RP1: variants seen among roughly 807,000 people sequenced by gnomAD.
The protein encoded by RP1 is oxygen-regulated protein 1.
In RP1, 16 loss-of-function variants were observed where a neutral mutation model predicts 14.8. The ratio of observed to expected loss-of-function variants is 1.08; its 90% CI spans 0.73 to 1.65. The LOEUF (loss-of-function observed/expected upper bound fraction) is 1.65, where lower values mean the gene tolerates loss of function less well. Ranked by LOEUF, RP1 falls within the 40% of genes most tolerant of loss-of-function variation. RP1 has a pLI of 0.00. For synonymous variants in RP1, 876 were observed against 883.6 expected, an observed-to-expected ratio of 0.99 and a Z score of 0.15; for missense variants, 2,631 against 2,535.0, an observed-to-expected ratio of 1.04 and a Z score of -0.81.
At chr8:54,569,255 C>T (rs943715570) in intron 1 of RP1, among the ~76,000 whole-genome samples, 13 of 152,232 alleles carry the variant, frequency 8.5e-5, no homozygotes, top group Middle Eastern at 3.4e-3. Flanking sequence ...CCACTCTGAC[C>T]GAGAGGCCTT....
chr8:54,815,091 A>G (rs1811108602), intron 24 of RP1, among the ~76,000 whole-genome samples: 1 of 152,266 alleles, frequency 6.6e-6, no homozygotes, highest in Admixed American at 6.5e-5. Context: ...CTAATTTCAA[A>G]ATAGTTTTAT....
At chr8:54,611,648 A>G (rs1805594837), upstream of RP1, among the ~76,000 whole-genome samples, 1 of 151,862 alleles carries the variant, frequency 6.6e-6, no homozygotes, top group African/African-American at 2.4e-5. Flanking sequence ...CATCTTTAAG[A>G]TAGTTGTTTT....
chr8:54,563,746 A>G (rs1012406050), intron 1 of RP1, among the ~76,000 whole-genome samples: 4 of 152,008 alleles, frequency 2.6e-5, no homozygotes, highest in Non-Finnish European at 5.9e-5. Context: ...ATGAGATCTT[A>G]CTATGTAGCT....
downstream of RP1, among the ~76,000 whole-genome samples, chr8:54,774,935 T>C (rs1367136989): frequency 2.6e-5 from 4 of 152,334 alleles, no homozygotes; most frequent in African/African-American, 9.6e-5. Context: ...GCAAGTTTTC[T>C]AAACCTTGGG....
intron 25 of RP1, among the ~76,000 whole-genome samples, chr8:54,846,203 C>T (rs1811916785): frequency 6.6e-6 from 1 of 152,188 alleles, no homozygotes; most frequent in African/African-American, 2.4e-5. Context: ...ATATTATAAA[C>T]AATTAATTGG....
intron 1 of RP1, among the ~76,000 whole-genome samples, chr8:54,592,097 C>G (rs1258314299): frequency 6.6e-6 from 1 of 152,202 alleles, no homozygotes; most frequent in African/African-American, 2.4e-5. Context: ...TTTTTGCAAA[C>G]AACCCACCAC....
intron 25 of RP1, among the ~76,000 whole-genome samples, chr8:54,848,328 G>A (rs1019658413): frequency 6.6e-6 from 1 of 152,306 alleles, no homozygotes; most frequent in African/African-American, 2.4e-5. Flanking sequence ...CTCCTATCCT[G>A]TTCTTCCTGG....
chr8:54,787,783 T>C (rs1810358718), intron 24 of RP1, among the ~76,000 whole-genome samples: 1 of 152,172 alleles, frequency 6.6e-6, no homozygotes, highest in Admixed American at 6.5e-5. Context: ...TCCCTTATGC[T>C]CCTTAGGATT....
At chr8:54,752,026 G>A (rs1016525306) in intron 19 of RP1, among the ~76,000 whole-genome samples, 1 of 152,206 alleles carries the variant, frequency 6.6e-6, no homozygotes, top group African/African-American at 2.4e-5. Flanking sequence ...AGAGGTTAAT[G>A]TAGAGGAAGA....
At chr8:54,742,846 GGT>G (rs1809131833) in intron 19 of RP1, among the ~76,000 whole-genome samples, 4 of 152,244 alleles carry the variant, frequency 2.6e-5, no homozygotes, top group African/African-American at 9.6e-5. Context: ...TGAGAAAAGT[GGT>G]TGAGGGGTAT....
intron 15 of RP1, among the ~76,000 whole-genome samples, chr8:54,713,964 G>A (rs149376816): frequency 1.3e-3 from 196 of 152,296 alleles, no homozygotes; most frequent in African/African-American, 4.5e-3. Context: ...AAAGAAATTT[G>A]ACCTAACAGA....
chr8:54,855,713 A>T (rs1344097288), intron 26 of RP1, among the ~76,000 whole-genome samples: 1 of 152,168 alleles, frequency 6.6e-6, no homozygotes, highest in Non-Finnish European at 1.5e-5. Flanking sequence ...AAAAGAGGGT[A>T]TCCAAATCAC....
chr8:54,863,534 A>G (rs1563399935), intron 27 of RP1, among the ~76,000 whole-genome samples: 1 of 152,224 alleles, frequency 6.6e-6, no homozygotes, highest in South Asian at 2.1e-4. Flanking sequence ...ATTGATTTCT[A>G]TGTATGATAC....
chr8:54,626,352 A>T lies in RP1; in HGVS notation c.2470A>T (p.Asn824Tyr). The T allele has an allele frequency of 6.2e-7, 1 of 1,613,670 alleles. No homozygotes were observed. Among genetic ancestry groups the T allele is most frequent in the Non-Finnish European group, 8.5e-7 (1 of 1,179,858 alleles). Residue 824 changes from asparagine to tyrosine, a missense_variant, in exon 4 of 4, where the codon AAC (asparagine) becomes TAC (tyrosine). Transcript: ENST00000220676. ...FENKSLFHVFNILEQKPKDFY... is the reference protein window; with the variant it reads ...FENKSLFHVFYILEQKPKDFY... ...AAACAAAAGTTTATTTCATGTATTT[A>T]ACATCCTTGAGCAAAAACCCAAAGA...
At chr8:54,622,343 C>T (rs1585559273) in intron 3 of RP1, 55 bp downstream of exon 3, 13 of 1,552,998 alleles carry the variant, frequency 8.4e-6, no homozygotes, top group Non-Finnish European at 1.2e-5. Flanking sequence ...TTTTTTTTGC[C>T]TCAAGGACGG....
intron 24 of RP1, among the ~76,000 whole-genome samples, chr8:54,801,455 T>A (rs1245587424): frequency 2.0e-5 from 3 of 152,178 alleles, no homozygotes; most frequent in Non-Finnish European, 4.4e-5. Context: ...CATGGTGCCC[T>A]TTCTTAGTTG....
chr8:54,561,362 G>A (rs1804282927), intron 1 of RP1, among the ~76,000 whole-genome samples: 1 of 152,184 alleles, frequency 6.6e-6, no homozygotes, highest in South Asian at 2.1e-4. Context: ...CAAAGTGGTT[G>A]TTTAAATTAC....
chr8:54,634,894 A>T (rs149350884), downstream of RP1, among the ~76,000 whole-genome samples: 1,174 of 152,262 alleles, frequency 7.7e-3, 8 homozygotes, highest in Middle Eastern at 0.017. Flanking sequence ...ATCCTGGCGA[A>T]CACGTTGAAA....
intron 17 of RP1, among the ~76,000 whole-genome samples, chr8:54,727,718 C>G (rs563554286): frequency 6.6e-6 from 1 of 151,842 alleles, no homozygotes; most frequent in East Asian, 1.9e-4. Context: ...CATTAAATGT[C>G]AGATGTTATA....
Sources: allele counts gnomAD v4.1 joint callset (sites outside exome capture counted in the v4.1 genomes callset), GRCh38; gene constraint gnomAD v4.1.1; transcripts MANE v1.5; gene names NCBI Gene and HGNC (gene_info 2026-07-23, HGNC 2026-07-21).